CDK14: variants seen among roughly 807,000 people sequenced by gnomAD.
CDK14 encodes the protein cyclin-dependent kinase 14.
Under a neutral mutation model 60.7 loss-of-function variants are expected in CDK14, and 34 were observed. The observed-to-expected ratio is 0.56, with a 90% CI of 0.43 to 0.75. The LOEUF is 0.75. Ranked by LOEUF, CDK14 falls within the 30% of genes least tolerant of loss-of-function variation. The pLI, the probability that CDK14 is intolerant of heterozygous loss-of-function variation, is 0.00. For missense variants in CDK14, 482 were observed against 564.1 expected (o/e 0.85, Z 1.47); for synonymous variants, 197 against 203.7 (o/e 0.97, Z 0.28).
At position 91,050,410 on chromosome 7, in the gene CDK14, G is replaced by GA. The variant is rs904612870; in HGVS notation, c.1105+4460dup. Among the ~76,000 whole-genome samples the GA allele has an allele frequency of 1.6e-4, 23 of 147,064 alleles. No individual in the cohort carries two copies. In the East Asian group the frequency reaches 2.6e-3, roughly 16 times the overall value. ...CAGAACTCAACATGGTTTTCCCTTG[G>GA]AAAAAAAAAATATATAACAAAAATG... On this transcript the variant is annotated intron_variant, in intron 11 of 14. Coordinates refer to ENST00000380050, the MANE Select transcript of CDK14 (RefSeq NM_001287135.2).
chr7:90,917,703 G>C lies in CDK14; in HGVS notation c.805G>C (p.Glu269Gln). 6.2e-7 allele frequency: 1 copy of C among 1,613,160 alleles called. No homozygotes were observed. Among genetic ancestry groups the C allele is most frequent in the Non-Finnish European group, 8.5e-7 (1 of 1,179,340 alleles). The part of the protein sequence containing the change: ...PQNLLISDTG[E>Q]LKLADFGLAR... ...GAACCTTCTGATCAGTGACACGGGGGAGTTAAAGCTGGCAGATTTCGGTAG... is the reference window on the plus strand; with the variant it reads ...GAACCTTCTGATCAGTGACACGGGGCAGTTAAAGCTGGCAGATTTCGGTAG... The change falls in exon 8 of 15, where the codon GAG becomes CAG. Residue 269 changes from glutamate (E) to glutamine (Q), a missense_variant. Glu to Gln is a conservative substitution (Grantham distance 29). Transcript: ENST00000380050.
chr7:90,753,605 C>T (rs1009378339), intron 4 of CDK14, among the ~76,000 whole-genome samples: 1 of 152,090 alleles, frequency 6.6e-6, no homozygotes, highest in Non-Finnish European at 1.5e-5. Context: ...CTCGCCGCTC[C>T]TATTAAAACA....
rs1024023673 is a variant in CDK14 at position 91,103,998 on chromosome 7, C to T, written c.1155-8544C>T. ...TTATTCGCAATATAAGATTCTCATA[C>T]CACACATACTCTGAATTCAGTAGGG... On this transcript the variant is annotated intron_variant, in intron 12 of 14. Transcript: ENST00000380050. 9.1e-4 allele frequency among the ~76,000 whole-genome samples: 139 copies of T among 152,128 alleles called. 1 individual carries two copies. The highest frequency in any genetic ancestry group is 3.1e-3 in the African/African-American group (130 of 41,410).
chr7:91,144,282 G>A (rs1390189872), intron 14 of CDK14, among the ~76,000 whole-genome samples: 1 of 152,082 alleles, frequency 6.6e-6, no homozygotes, highest in East Asian at 1.9e-4. Flanking sequence ...AATCATGTTG[G>A]TTTTTCAAAT....
intron 6 of CDK14, among the ~76,000 whole-genome samples, chr7:90,890,322 A>G (rs914533562): frequency 2.6e-5 from 4 of 152,180 alleles, no homozygotes; most frequent in African/African-American, 4.8e-5. Context: ...ATGGTGAGCT[A>G]TGATCACACC....
chr7:91,132,111 T>C (rs1387731079), intron 14 of CDK14, among the ~76,000 whole-genome samples: 1 of 152,072 alleles, frequency 6.6e-6, no homozygotes, highest in Non-Finnish European at 1.5e-5. Flanking sequence ...GGGACACAAA[T>C]GCAGTCTTTT....
chr7:90,656,670 G>A (rs941040260), intron 2 of CDK14, among the ~76,000 whole-genome samples: 13 of 152,204 alleles, frequency 8.5e-5, no homozygotes, highest in Non-Finnish European at 1.9e-4. Flanking sequence ...GAGCCACCGC[G>A]CCCCGCCTTC....
chr7:91,186,136 CCCTCTCCTCTCCTCT>C (rs1398288673), intron 14 of CDK14, among the ~76,000 whole-genome samples: 12 of 41,718 alleles, frequency 2.9e-4, no homozygotes, highest in South Asian at 1.5e-3. Context: ...TCCTCCCCTC[CCCTCTCCTCTCCTCT>C]CCTCCCCTCC....
intron 5 of CDK14, among the ~76,000 whole-genome samples, chr7:90,806,802 G>A (rs535345135): frequency 2.1e-4 from 32 of 152,302 alleles, no homozygotes; most frequent in Admixed American, 1.7e-3. Context: ...CTTAGCAAAC[G>A]GTACACCAGG....
intron 6 of CDK14, among the ~76,000 whole-genome samples, chr7:90,878,089 TGTGTGA>T (rs1791621958): frequency 6.6e-6 from 1 of 151,274 alleles, no homozygotes; most frequent in African/African-American, 2.4e-5. Flanking sequence ...TGTGTGTGTG[TGTGTGA>T]GAGAGAGAGA....
chr7:90,677,022 A>G (rs539014684), intron 2 of CDK14, among the ~76,000 whole-genome samples: 58 of 152,164 alleles, frequency 3.8e-4, no homozygotes, highest in African/African-American at 7.2e-4. Context: ...CAAGTTTACC[A>G]TGTCTGTTAT....
chr7:90,735,814 C>A (rs1213755946), intron 3 of CDK14, among the ~76,000 whole-genome samples: 1 of 152,212 alleles, frequency 6.6e-6, no homozygotes, highest in Admixed American at 6.5e-5. Context: ...GGCTTCAGCC[C>A]CCTTTCCAGG....
rs1445913285 is a variant in CDK14 at position 90,626,534 on chromosome 7, T to C, written c.123+22285T>C. ...TATAATTTATCTATAGATTATAATC[T>C]AAACTGAAGATTGATGCATGTATAA... On this transcript the variant is annotated intron_variant, in intron 2 of 14. Transcript: ENST00000380050. Among the ~76,000 whole-genome samples, 4 of 152,268 alleles carry C rather than the reference T, an allele frequency of 2.6e-5. No homozygotes were observed. In the East Asian group the frequency reaches 7.7e-4, roughly 29 times the overall value.
intron 5 of CDK14, among the ~76,000 whole-genome samples, chr7:90,832,098 C>T (rs1349467472): frequency 5.3e-5 from 8 of 152,112 alleles, no homozygotes; most frequent in African/African-American, 2.4e-5. Context: ...CTCTCTGCCC[C>T]TCCATACATC....
At chr7:90,838,354 A>T (rs999547153) in intron 5 of CDK14, among the ~76,000 whole-genome samples, 1 of 152,134 alleles carries the variant, frequency 6.6e-6, no homozygotes, top group Non-Finnish European at 1.5e-5. Flanking sequence ...GATTGCGTTA[A>T]CTGTACAAAT....
chr7:91,015,521 GTTTTTT>G (rs10710645), intron 10 of CDK14, among the ~76,000 whole-genome samples: 10 of 77,684 alleles, frequency 1.3e-4, no homozygotes, highest in African/African-American at 5.2e-4. Flanking sequence ...TATGTCTTGG[GTTTTTT>G]TTTTTTTTTT....
chr7:91,112,530 T>G lies in CDK14; in HGVS notation c.1155-12T>G, dbSNP rs567021483. The G allele has an allele frequency of 1.4e-5, 22 of 1,608,438 alleles. No individual in the cohort carries two copies. Among genetic ancestry groups the G allele is most frequent in the African/African-American group, 1.1e-4 (8 of 74,774 alleles). The stretch of plus-strand genomic sequence containing the variant: ...GTTTGGTCTGACCTCTCTTTTTTGC[T>G]CATGTTTTTAGGCTCAGCTATGTGA... On this transcript the variant is annotated splice_polypyrimidine_tract_variant and intron_variant, in intron 12 of 14. Coordinates refer to ENST00000380050, the MANE Select transcript of CDK14 (RefSeq NM_001287135.2).
At chr7:90,901,578 C>T (rs964471734) in intron 7 of CDK14, among the ~76,000 whole-genome samples, 4 of 151,998 alleles carry the variant, frequency 2.6e-5, no homozygotes, top group African/African-American at 7.2e-5. Context: ...TGGACAGTCT[C>T]AGTGCTTGGC....
At chr7:90,640,038 C>T (rs1463162434) in intron 2 of CDK14, among the ~76,000 whole-genome samples, 1 of 151,996 alleles carries the variant, frequency 6.6e-6, no homozygotes, top group Non-Finnish European at 1.5e-5. Context: ...TTTCCTTGAC[C>T]AGGAAAGGGA....
Sources: allele counts gnomAD v4.1 joint callset (sites outside exome capture counted in the v4.1 genomes callset), GRCh38; gene constraint gnomAD v4.1.1; transcripts MANE v1.5; gene names NCBI Gene and HGNC (gene_info 2026-07-23, HGNC 2026-07-21).